Variants in KALRN observed in about 807,000 individuals in gnomAD.
KALRN encodes kalirin RhoGEF kinase, also known as kalirin.
In KALRN, 70 loss-of-function variants were observed where a neutral mutation model predicts 353.7. That is an observed-to-expected ratio of 0.20 (90% confidence interval 0.16 to 0.24). KALRN has a LOEUF of 0.24. Among genes scored for constraint, KALRN ranks in the 10% least tolerant of loss-of-function variants. The pLI, the probability that KALRN is intolerant of heterozygous loss-of-function variation, is 1.00. For missense variants in KALRN, 2,791 were observed against 3,756.7 expected, an observed-to-expected ratio of 0.74 and a Z score of 6.72; for synonymous variants, 1,391 against 1,434.8, an observed-to-expected ratio of 0.97 and a Z score of 0.69.
chr3:124,471,254 G>GTTTTAT (rs1431815699), intron 25 of KALRN, among the ~76,000 whole-genome samples: 1 of 127,476 alleles, frequency 7.8e-6, no homozygotes, highest in Non-Finnish European at 1.6e-5. Context: ...CCCCCACAAA[G>GTTTTAT]TTTTATTATT....
chr3:124,434,250 T>A, intron 16 of KALRN, 57 bp from the exon 17 acceptor site: 1 of 1,393,244 alleles, frequency 7.2e-7, no homozygotes, highest in Non-Finnish European at 1.0e-6. Context: ...CTCCACCCCC[T>A]CCCATACCAC....
intron 13 of KALRN, among the ~76,000 whole-genome samples, chr3:124,404,875 G>C (rs567597627): frequency 6.6e-6 from 1 of 151,852 alleles, no homozygotes; most frequent in South Asian, 2.1e-4. Flanking sequence ...GTCCAATTTC[G>C]CCACTTTTTC....
intron 11 of KALRN, among the ~76,000 whole-genome samples, chr3:124,394,614 A>G (rs890335332): frequency 6.6e-6 from 1 of 152,212 alleles, no homozygotes; most frequent in Non-Finnish European, 1.5e-5. Context: ...TTTCTAACCA[A>G]TTTAGCAATT....
At chr3:124,669,963 C>CTTTTTTTTTTTT (rs61190740) in intron 47 of KALRN, among the ~76,000 whole-genome samples, 4 of 136,488 alleles carry the variant, frequency 2.9e-5, no homozygotes, top group Non-Finnish European at 1.6e-5. Flanking sequence ...CATATATTTT[C>CTTTTTTTTTTTT]TTTTTTTTTT....
chr3:124,095,179 T>C (rs1415112596), intron 1 of KALRN, among the ~76,000 whole-genome samples: 1 of 152,090 alleles, frequency 6.6e-6, no homozygotes, highest in Non-Finnish European at 1.5e-5. Context: ...TTCATCAAGC[T>C]CAGTACTCTA....
At chr3:124,491,818 T>C (rs1413761124) in intron 31 of KALRN, 1 of 156,094 alleles carries the variant, frequency 6.4e-6, no homozygotes, top group Non-Finnish European at 1.4e-5. Context: ...AACTTCCGTG[T>C]AAAAGGTATA....
At chr3:124,462,113 A>G (rs1340730124) in intron 24 of KALRN, among the ~76,000 whole-genome samples, 157 bp downstream of exon 24, 1 of 152,210 alleles carries the variant, frequency 6.6e-6, no homozygotes, top group Non-Finnish European at 1.5e-5. Context: ...AGTCAACAAT[A>G]ATTACATGAG....
At chr3:124,443,109 A>G (rs1032139079) in intron 19 of KALRN, among the ~76,000 whole-genome samples, 2 of 152,270 alleles carry the variant, frequency 1.3e-5, no homozygotes, top group Non-Finnish European at 1.5e-5. Flanking sequence ...GCTATTCTAC[A>G]TAATCTTTAA....
intron 34 of KALRN, among the ~76,000 whole-genome samples, chr3:124,630,304 C>T (rs1307756511): frequency 6.6e-6 from 1 of 152,194 alleles, no homozygotes; most frequent in East Asian, 1.9e-4. Flanking sequence ...CTTGCTCTTC[C>T]TCAAACCTCA....
Position 124,268,955 on chromosome 3 carries a change from G to A in KALRN, c.669G>A (p.Glu223=), listed in dbSNP as rs767310892. 3.1e-6 allele frequency: 5 copies of A among 1,614,182 alleles called. No homozygotes were observed. The highest frequency in any genetic ancestry group is 1.1e-5 in the South Asian group (1 of 91,078). The part of the protein sequence containing the change: ...LARKEFPVDV[E]GSRRLIDEHT... Reference sequence around the variant, plus strand: ...GGAAGGAGTTTCCTGTGGATGTGGAGGGCTCTCGGCGGCTCATTGACGAAC... The same window carrying A: ...GGAAGGAGTTTCCTGTGGATGTGGAAGGCTCTCGGCGGCTCATTGACGAAC... The change falls in exon 5 of 60, where the codon GAG becomes GAA. Residue 223 remains glutamate (E), a synonymous_variant. Transcript: ENST00000682506.
At chr3:124,677,369 G>A (rs1187106962) in intron 49 of KALRN, 2 of 305,058 alleles carry the variant, frequency 6.6e-6, no homozygotes, top group African/African-American at 4.5e-5. Context: ...TCTGCTCTGA[G>A]CTTGTCTTCA....
chr3:124,539,914 A>G (rs1345439798), intron 33 of KALRN, among the ~76,000 whole-genome samples: 1 of 97,362 alleles, frequency 1.0e-5, no homozygotes, highest in Non-Finnish European at 2.0e-5. Flanking sequence ...CACCAAGCTA[A>G]TTTTTTTTGG....
chr3:124,062,945 A>C (rs2042087374), intron 1 of KALRN, among the ~76,000 whole-genome samples: 1 of 152,216 alleles, frequency 6.6e-6, no homozygotes, highest in Non-Finnish European at 1.5e-5. Context: ...AGAATGAAAT[A>C]CATTTAAGTG....
At chr3:124,642,390 C>T (rs1428744170) in intron 37 of KALRN, among the ~76,000 whole-genome samples, 1 of 152,174 alleles carries the variant, frequency 6.6e-6, no homozygotes, top group Non-Finnish European at 1.5e-5. Context: ...GTTCACTGGG[C>T]TCAGGATGGC....
chr3:124,595,689 G>A (rs939114944), intron 34 of KALRN, among the ~76,000 whole-genome samples: 2 of 152,116 alleles, frequency 1.3e-5, no homozygotes, highest in Non-Finnish European at 2.9e-5. Flanking sequence ...AGTACCCTCA[G>A]TTTCATACCC....
chr3:124,092,618 G>A (rs1224797690), intron 1 of KALRN, among the ~76,000 whole-genome samples: 4 of 152,196 alleles, frequency 2.6e-5, no homozygotes, highest in Non-Finnish European at 5.9e-5. Context: ...GCCCTACTGT[G>A]AGGGCTCCCG....
At chr3:124,067,769 G>A (rs2042496953) in intron 1 of KALRN, among the ~76,000 whole-genome samples, 1 of 152,218 alleles carries the variant, frequency 6.6e-6, no homozygotes, top group Non-Finnish European at 1.5e-5. Flanking sequence ...TTTCAGAGAG[G>A]CTCTGGGGCA....
intron 34 of KALRN, among the ~76,000 whole-genome samples, chr3:124,603,906 C>T (rs889633226): frequency 6.6e-6 from 1 of 152,118 alleles, no homozygotes; most frequent in African/African-American, 2.4e-5. Context: ...AGAAAAACTG[C>T]TTCAGATGGA....
chr3:124,461,573 G>A (rs1211972201), intron 23 of KALRN, among the ~76,000 whole-genome samples: 3 of 152,100 alleles, frequency 2.0e-5, no homozygotes, highest in Admixed American at 1.3e-4. Flanking sequence ...CTACATGCCT[G>A]TACTCACATG....
Sources: allele counts gnomAD v4.1 joint callset (sites outside exome capture counted in the v4.1 genomes callset), GRCh38; gene constraint gnomAD v4.1.1; transcripts MANE v1.5; gene names NCBI Gene and HGNC (gene_info 2026-07-23, HGNC 2026-07-21).